ZBTB16: variants seen among roughly 807,000 people sequenced by gnomAD.
ZBTB16 encodes zinc finger and BTB domain-containing protein 16.
ZBTB16 carries 8 observed loss-of-function variants against 56.8 expected under a neutral mutation model. The observed-to-expected ratio is 0.14, with a 90% CI of 0.08 to 0.25. The LOEUF (loss-of-function observed/expected upper bound fraction) is 0.25, where lower values mean the gene tolerates loss of function less well. Among genes scored for constraint, ZBTB16 ranks in the 10% least tolerant of loss-of-function variants. The pLI is 1.00. For missense variants in ZBTB16, 625 were observed against 903.0 expected, an observed-to-expected ratio of 0.69 and a Z score of 3.95; for synonymous variants, 363 against 368.5, an observed-to-expected ratio of 0.98 and a Z score of 0.17.
intron 5 of ZBTB16, among the ~76,000 whole-genome samples, chr11:114,246,018 GC>G (rs1944807971): frequency 2.0e-5 from 3 of 151,966 alleles, no homozygotes; most frequent in Admixed American, 2.0e-4. Flanking sequence ...CATCCCCCAA[GC>G]CCCCCACTTT....
chr11:114,067,724 T>G (rs1324806174), intron 2 of ZBTB16, among the ~76,000 whole-genome samples: 3 of 152,080 alleles, frequency 2.0e-5, no homozygotes, highest in Non-Finnish European at 4.4e-5. Context: ...TGCTTTTGAC[T>G]GAGGGTGGAA....
chr11:114,147,344 A>G (rs778885414), intron 2 of ZBTB16, among the ~76,000 whole-genome samples: 52 of 152,208 alleles, frequency 3.4e-4, no homozygotes, highest in Non-Finnish European at 5.3e-4. Flanking sequence ...TTTCCTTCGC[A>G]TGTATCCAGG....
intron 4 of ZBTB16, chr11:114,210,991 C>G (rs920110686): frequency 5.6e-5 from 10 of 177,214 alleles, no homozygotes; most frequent in African/African-American, 1.4e-4. Context: ...GATCTCGGCT[C>G]ACTGCAACCT....
intron 4 of ZBTB16, among the ~76,000 whole-genome samples, chr11:114,195,830 C>T (rs1380635631): frequency 2.0e-5 from 3 of 152,128 alleles, no homozygotes; most frequent in Admixed American, 6.5e-5. Context: ...GATAGGTTGA[C>T]GGGGCCAAGT....
At chr11:114,242,674 T>C (rs1253172431) in intron 5 of ZBTB16, among the ~76,000 whole-genome samples, 1 of 152,204 alleles carries the variant, frequency 6.6e-6, no homozygotes, top group Admixed American at 6.5e-5. Flanking sequence ...GGGATTCTCA[T>C]GTAGGTAGAC....
At position 114,250,770 on chromosome 11, in the gene ZBTB16, C is replaced by T. The variant is rs1238935086; in HGVS notation, c.*215C>T. The T allele has an allele frequency of 1.0e-5, 6 of 600,262 alleles. No individual in the cohort carries two copies. The highest frequency in any genetic ancestry group is 1.9e-5 in the African/African-American group (1 of 53,862). 37.2% of individuals were successfully genotyped at this position (600,262 alleles called of 1,614,324 possible). On this transcript the variant is annotated 3_prime_UTR_variant, in exon 7 of 7. Transcript: ENST00000335953. This position sits in a 1 kb window ranked among gnomAD's most constrained non-coding sequence, Gnocchi z 6.0. ...CCTCTGGGGGCCTCCACCCTCCTCT[C>T]CCGGCTGGAGGTTTGCCTGATTTTC...
intron 3 of ZBTB16, among the ~76,000 whole-genome samples, chr11:114,175,978 G>GGTGTGTGTGTGTGTGTGTGTGTGC (rs1565668708): frequency 1.4e-5 from 2 of 148,050 alleles, no homozygotes; most frequent in Non-Finnish European, 3.0e-5. Flanking sequence ...AGGGGAGAGG[G>GGTGTGTGTGTGTGTGTGTGTGTGC]GTGTGTGTGT....
chr11:114,167,528 T>A (rs1942820277), intron 3 of ZBTB16, among the ~76,000 whole-genome samples: 3 of 151,826 alleles, frequency 2.0e-5, no homozygotes, highest in Admixed American at 2.0e-4. Context: ...TAAATAAAAT[T>A]GTTTTTGAAA....
intron 4 of ZBTB16, among the ~76,000 whole-genome samples, chr11:114,190,562 A>G (rs1386271080): frequency 6.6e-6 from 1 of 152,110 alleles, no homozygotes; most frequent in Non-Finnish European, 1.5e-5. Flanking sequence ...TAAGTCGGGG[A>G]CCATTCTGTG....
At chr11:114,209,260 G>A in intron 4 of ZBTB16, 4 of 484,026 alleles carry the variant, frequency 8.3e-6, no homozygotes, top group Non-Finnish European at 1.1e-5. Flanking sequence ...CTTATTTTGT[G>A]TGCTGGAGAA....
chr11:114,218,755 G>A (rs4606509), intron 4 of ZBTB16, among the ~76,000 whole-genome samples: 3 of 152,114 alleles, frequency 2.0e-5, no homozygotes, highest in Admixed American at 1.3e-4. Context: ...TTTGTCCTCA[G>A]GCAGTAGCAT....
chr11:114,131,430 G>A (rs576350691), intron 2 of ZBTB16, among the ~76,000 whole-genome samples: 1 of 152,170 alleles, frequency 6.6e-6, no homozygotes, highest in South Asian at 2.1e-4. Flanking sequence ...TTCTTTTTAA[G>A]GGTCAGGTGC....
intron 2 of ZBTB16, among the ~76,000 whole-genome samples, chr11:114,148,338 TTCCTTCCTTCCTTC>T (rs1942166904): frequency 2.1e-5 from 2 of 95,342 alleles, no homozygotes; most frequent in African/African-American, 5.1e-5. Context: ...GCTGGCTGGC[TTCCTTCCTTCCTTC>T]CTTCCTTCCT....
intron 5 of ZBTB16, among the ~76,000 whole-genome samples, chr11:114,246,454 C>G (rs1038610673): frequency 6.7e-6 from 1 of 149,544 alleles, no homozygotes; most frequent in African/African-American, 2.4e-5. Flanking sequence ...CCATGATCAT[C>G]TGATGCGATC....
At chr11:114,249,658 G>A (rs1229668852) in intron 6 of ZBTB16, among the ~76,000 whole-genome samples, 1 of 146,140 alleles carries the variant, frequency 6.8e-6, no homozygotes, top group Non-Finnish European at 1.5e-5. Flanking sequence ...CCAGCTACTC[G>A]GGAGGCTGAG....
intron 2 of ZBTB16, among the ~76,000 whole-genome samples, chr11:114,101,573 G>A (rs894824030): frequency 2.0e-5 from 3 of 152,138 alleles, no homozygotes; most frequent in African/African-American, 7.2e-5. Context: ...GTCAAGACTG[G>A]CCTAGATGGA....
At chr11:114,179,568 A>G (rs905417288) in intron 3 of ZBTB16, among the ~76,000 whole-genome samples, 6 of 152,162 alleles carry the variant, frequency 3.9e-5, no homozygotes, top group African/African-American at 1.4e-4. Context: ...CAAGATGTTT[A>G]TTTTAAAATC....
At chr11:114,137,166 G>A (rs1241020557) in intron 2 of ZBTB16, among the ~76,000 whole-genome samples, 1 of 152,166 alleles carries the variant, frequency 6.6e-6, no homozygotes, top group East Asian at 1.9e-4. Context: ...CCTGCATGCA[G>A]CAGTGACCTT....
intron 4 of ZBTB16, among the ~76,000 whole-genome samples, chr11:114,196,893 C>A (rs1943623291): frequency 6.6e-6 from 1 of 152,058 alleles, no homozygotes; most frequent in South Asian, 2.1e-4. Flanking sequence ...AAAACTGAGT[C>A]CCAGAAAGGT....
Sources: allele counts gnomAD v4.1 joint callset (sites outside exome capture counted in the v4.1 genomes callset), GRCh38; gene constraint gnomAD v4.1.1; non-coding constraint Gnocchi (gnomAD v3.1); transcripts MANE v1.5; gene names NCBI Gene and HGNC (gene_info 2026-07-23, HGNC 2026-07-21).